The following DHX57 variants were observed in gnomAD, a reference collection of about 807,000 sequenced individuals.
The protein encoded by DHX57 is DExH-box helicase 57, also known as putative ATP-dependent RNA helicase DHX57.
In DHX57, 105 loss-of-function variants were observed where a neutral mutation model predicts 156.2. The observed-to-expected ratio is 0.67, with a 90% CI of 0.57 to 0.79. The LOEUF (loss-of-function observed/expected upper bound fraction) is 0.79. Ranked by LOEUF, DHX57 falls within the 30% of genes least tolerant of loss-of-function variation. The pLI is 0.00. For missense variants in DHX57, 1,847 were observed against 1,661.9 expected, an observed-to-expected ratio of 1.11 and a Z score of -1.94; for synonymous variants, 704 against 595.6, an observed-to-expected ratio of 1.18 and a Z score of -2.65.
In DHX57 at chr2:38,861,454, C is replaced by T; in HGVS notation, c.956G>A (p.Cys319Tyr). The T allele has an allele frequency of 1.9e-6, 3 of 1,614,022 alleles. No individual in the cohort carries two copies. The highest frequency in any genetic ancestry group is 2.5e-6 in the Non-Finnish European group (3 of 1,180,002). ...LKGNCKFGSK[C>Y]RFKHEVPPNQ... ...TGGGGGCACTTCATGTTTGAATCTG[C>T]ATTTTGATCCAAATTTACAATTTCC... The change falls in exon 5 of 24, where the codon TGC becomes TAC. Residue 319 changes from cysteine to tyrosine, a missense_variant. By Grantham distance (194) the Cys-to-Tyr change is radical. Coordinates refer to ENST00000457308, the MANE Select transcript of DHX57 (RefSeq NM_198963.3).
chr2:38,869,104 G>A (rs1353786911), intron 1 of DHX57, among the ~76,000 whole-genome samples: 2 of 152,176 alleles, frequency 1.3e-5, no homozygotes, highest in Non-Finnish European at 2.9e-5. Context: ...ACCCAGCCTA[G>A]CATAGGATTT....
At position 38,826,148 on chromosome 2, in the gene DHX57, G is replaced by C; in HGVS notation, c.2814-101C>G. ...GATGAACCAGCTTCCTCCTGTAGAGGGACACAGTGCCCTGTATATTCTGGG... is the reference window on the plus strand; with the variant it reads ...GATGAACCAGCTTCCTCCTGTAGAGCGACACAGTGCCCTGTATATTCTGGG... On this transcript the variant is annotated intron_variant, in intron 15 of 23. Coordinates refer to ENST00000457308, the MANE Select transcript of DHX57 (RefSeq NM_198963.3). 1.3e-5 allele frequency: 16 copies of C among 1,205,106 alleles called. No homozygotes were observed. In the South Asian group the frequency reaches 2.3e-4, roughly 17 times the overall value. 74.7% of individuals were successfully genotyped at this position (1,205,106 alleles called of 1,614,324 possible).
intron 17 of DHX57, among the ~76,000 whole-genome samples, chr2:38,822,049 G>T (rs373996852): frequency 7.9e-5 from 12 of 152,046 alleles, no homozygotes; most frequent in East Asian, 5.8e-4. Context: ...CCCGGCCCAG[G>T]TGGCTTTATA....
rs867395510 is a variant in DHX57 at position 38,815,552 on chromosome 2, C to T, written c.3575G>A (p.Gly1192Glu). ...AREIEKRAQG[G>E]DGVLDATGEE... ...TCCTGTGGCATCTAAGACACCATCT[C>T]CTCCTTGGGCCCTTTTCTCAATTTC... Residue 1192 changes from glycine to glutamate, a missense_variant, in exon 20 of 24, where the codon GGA (glycine) becomes GAA (glutamate). Gly to Glu is a moderately conservative substitution (Grantham distance 98). Coordinates refer to ENST00000457308, the MANE Select transcript of DHX57 (RefSeq NM_198963.3). The T allele has an allele frequency of 5.6e-6, 9 of 1,614,066 alleles. No individual in the cohort carries two copies. The Middle Eastern group carries it at 6.6e-4, about 118-fold the overall frequency.
intron 4 of DHX57, 83 bp downstream of exon 4, chr2:38,862,062 T>A (rs1047069111): frequency 4.8e-6 from 7 of 1,447,358 alleles, no homozygotes; most frequent in Non-Finnish European, 3.7e-6. Context: ...AATAGGAAAG[T>A]ACACAAAGAG....
chr2:38,844,349 G>GCAGAAAATAGGAAATTTCATGGAGGTA (rs1261444773), intron 11 of DHX57, among the ~76,000 whole-genome samples: 4 of 5,418 alleles, frequency 7.4e-4, no homozygotes, highest in African/African-American at 7.5e-4. Context: ...GAAATGATTA[G>GCAGAAAATAGGAAATTTCATGGAGGTA]GCCGGGCGCG....
intron 22 of DHX57, among the ~76,000 whole-genome samples, chr2:38,805,509 T>A (rs866716429): frequency 6.6e-6 from 1 of 152,098 alleles, no homozygotes; most frequent in African/African-American, 2.4e-5. Context: ...GTAAGATTAT[T>A]ATAGAATTTC....
At chr2:38,848,227 G>T in intron 10 of DHX57, 42 bp downstream of exon 10, 1 of 1,519,542 alleles carries the variant, frequency 6.6e-7, no homozygotes, top group Non-Finnish European at 8.9e-7. Context: ...AATTATATTT[G>T]CTTATTAGAA....
chr2:38,861,920 G>C, intron 4 of DHX57, 83 bp from the exon 5 acceptor site: 1 of 1,400,860 alleles, frequency 7.1e-7, no homozygotes, highest in East Asian at 2.4e-5. Context: ...AATATGCTTA[G>C]ATGAAGTTAT....
At chr2:38,801,473 A>C (rs984142996) in intron 23 of DHX57, among the ~76,000 whole-genome samples, 1 of 152,178 alleles carries the variant, frequency 6.6e-6, no homozygotes. Flanking sequence ...GCAGTGGTGC[A>C]ATCTCGGCTC....
rs1364545370 is a variant in DHX57, at chr2:38,807,916, G to A, written c.3682-1223C>T. Among the ~76,000 whole-genome samples, 5 of 146,678 alleles carry A rather than the reference G, an allele frequency of 3.4e-5. No individual in the cohort carries two copies. In the South Asian group the frequency reaches 8.7e-4, roughly 25 times the overall value. ...TTCCCTCTGTCTCCCAAAGTGCTGG[G>A]ATTACAGGCGTGAGCCACTGTGTCT... is the stretch of plus-strand genomic sequence containing the variant. On this transcript the variant is annotated intron_variant, in intron 21 of 23. Coordinates refer to ENST00000457308, the MANE Select transcript of DHX57 (RefSeq NM_198963.3).
chr2:38,863,620 C>A lies in DHX57; in HGVS notation c.225-101G>T, dbSNP rs919843969. Reference sequence around the variant, plus strand: ...ATATACACAATACAAACTGGATTGTCAAGTATCTTACAAAAGATGACAATG... The same window carrying A: ...ATATACACAATACAAACTGGATTGTAAAGTATCTTACAAAAGATGACAATG... On this transcript the variant is annotated intron_variant, in intron 2 of 23. Coordinates refer to ENST00000457308, the MANE Select transcript of DHX57 (RefSeq NM_198963.3). The A allele has an allele frequency of 6.7e-6, 7 of 1,048,016 alleles. No individual in the cohort carries two copies. The Admixed American group carries it at 1.7e-4, about 26-fold the overall frequency. 64.9% of individuals were successfully genotyped at this position (1,048,016 alleles called of 1,614,324 possible).
intron 2 of DHX57, among the ~76,000 whole-genome samples, chr2:38,864,458 A>G (rs920902107): frequency 6.6e-5 from 10 of 152,178 alleles, no homozygotes; most frequent in African/African-American, 2.4e-4. Flanking sequence ...GGAAATGATC[A>G]GTTAAACATG....
chr2:38,804,319 C>G (rs543160659), intron 22 of DHX57, among the ~76,000 whole-genome samples: 10 of 151,916 alleles, frequency 6.6e-5, no homozygotes, highest in Non-Finnish European at 1.5e-4. Context: ...GGTGAGACCC[C>G]GTCTCTACAA....
At chr2:38,802,191 C>T (rs1483692536) in intron 23 of DHX57, among the ~76,000 whole-genome samples, 1 of 152,160 alleles carries the variant, frequency 6.6e-6, no homozygotes, top group Non-Finnish European at 1.5e-5. Flanking sequence ...CCAGACTTCC[C>T]CTCACAGTGT....
intron 21 of DHX57, among the ~76,000 whole-genome samples, chr2:38,809,646 G>C (rs1030288038): frequency 2.0e-5 from 3 of 151,584 alleles, no homozygotes; most frequent in African/African-American, 7.3e-5. Flanking sequence ...TGTATTTTTA[G>C]TAGAGACAGG....
intron 13 of DHX57, among the ~76,000 whole-genome samples, chr2:38,835,333 C>A (rs1299507004): frequency 6.6e-6 from 1 of 152,128 alleles, no homozygotes; most frequent in African/African-American, 2.4e-5. Flanking sequence ...TCAGCACTGC[C>A]CTGTCTATAA....
At chr2:38,863,063 A>G in intron 3 of DHX57, 1 of 252,038 alleles carries the variant, frequency 4.0e-6, no homozygotes, top group East Asian at 8.2e-5. Context: ...CACTACTTCT[A>G]CTTGTTCATT....
intron 19 of DHX57, among the ~76,000 whole-genome samples, chr2:38,817,552 G>A (rs1272346515): frequency 6.6e-6 from 1 of 152,008 alleles, no homozygotes. Flanking sequence ...CTGGCCTCAA[G>A]TGATCTGCCT....
Sources: allele counts gnomAD v4.1 joint callset (sites outside exome capture counted in the v4.1 genomes callset), GRCh38; gene constraint gnomAD v4.1.1; transcripts MANE v1.5; gene names NCBI Gene and HGNC (gene_info 2026-07-23, HGNC 2026-07-21).